Variants in RBFOX1 observed in about 807,000 individuals in gnomAD.
RBFOX1 encodes the protein RNA binding fox-1 homolog 1.
A neutral mutation model predicts 57.7 loss-of-function variants in RBFOX1; 8 were observed. The ratio of observed to expected loss-of-function variants is 0.14; its 90% CI spans 0.08 to 0.25. The LOEUF (loss-of-function observed/expected upper bound fraction) is 0.25. Ranked by LOEUF, RBFOX1 falls within the 10% of genes least tolerant of loss-of-function variation. The pLI is 1.00. For synonymous variants in RBFOX1, 326 were observed against 222.4 expected (o/e 1.47, Z -4.15); for missense variants, 611 against 548.5 (o/e 1.11, Z -1.14).
intron 4 of RBFOX1, among the ~76,000 whole-genome samples, chr16:6,007,861 G>A (rs964676908): frequency 2.0e-5 from 3 of 152,132 alleles, no homozygotes; most frequent in African/African-American, 7.2e-5. Flanking sequence ...GATGACATCT[G>A]TAGGAAGTGA....
At chr16:6,377,923 C>T (rs2091377933) in intron 2 of RBFOX1, among the ~76,000 whole-genome samples, 1 of 152,154 alleles carries the variant, frequency 6.6e-6, no homozygotes, top group Admixed American at 6.5e-5. Context: ...AGAGGTGCTT[C>T]TCAAAGATGA....
chr16:7,214,682 C>G (rs1291482416), intron 4 of RBFOX1, among the ~76,000 whole-genome samples: 1 of 152,020 alleles, frequency 6.6e-6, no homozygotes, highest in Admixed American at 6.6e-5. Context: ...CACATAAAAT[C>G]CAGAACCCTT....
intron 3 of RBFOX1, among the ~76,000 whole-genome samples, chr16:6,892,897 C>G (rs1005252029): frequency 6.6e-6 from 1 of 151,800 alleles, no homozygotes; most frequent in Admixed American, 6.6e-5. Flanking sequence ...TCTCACCACT[C>G]ACTCTCAGTC....
intron 3 of RBFOX1, among the ~76,000 whole-genome samples, chr16:5,681,343 C>T (rs2050328497): frequency 6.6e-6 from 1 of 151,264 alleles, no homozygotes; most frequent in African/African-American, 2.4e-5. Flanking sequence ...CTCGGCCTCC[C>T]AAAGTGTTGG....
chr16:6,331,177 C>A (rs2082976486), intron 2 of RBFOX1, among the ~76,000 whole-genome samples: 1 of 152,034 alleles, frequency 6.6e-6, no homozygotes, highest in African/African-American at 2.4e-5. Context: ...GGGGCCGGGC[C>A]CAGTGGTTCA....
chr16:6,894,736 G>T (rs1158460904), intron 3 of RBFOX1, among the ~76,000 whole-genome samples: 1 of 152,182 alleles, frequency 6.6e-6, no homozygotes, highest in African/African-American at 2.4e-5. Context: ...GTTACCAACA[G>T]ATTGTATCAG....
intron 4 of RBFOX1, among the ~76,000 whole-genome samples, chr16:7,311,946 G>T (rs896096673): frequency 6.6e-6 from 1 of 152,022 alleles, no homozygotes; most frequent in Non-Finnish European, 1.5e-5. Context: ...GTTTATTTGG[G>T]GACTTAATTG....
chr16:5,789,413 A>C lies in RBFOX1; in HGVS notation c.319-77890A>C, dbSNP rs533494287. On this transcript the variant is annotated intron_variant, in intron 3 of 19. Transcript: ENST00000641259. ...CACTTTGGGAGGTCTACAAGCCCGC[A>C]TATTTGTGTATATTTATATGAGTGT... 1.6e-4 allele frequency among the ~76,000 whole-genome samples: 24 copies of C among 152,144 alleles called. No homozygotes were observed. In the South Asian group the frequency reaches 5.0e-3, roughly 32 times the overall value.
intron 4 of RBFOX1, among the ~76,000 whole-genome samples, chr16:7,195,051 C>A (rs34286538): frequency 0.41 from 61,652 of 151,530 alleles, 12,975 homozygotes; most frequent in Non-Finnish European, 0.47. Context: ...ATTCTAGCAA[C>A]AAAACTTTAA....
At chr16:6,602,939 G>A (rs1022637125) in intron 2 of RBFOX1, among the ~76,000 whole-genome samples, 2 of 152,140 alleles carry the variant, frequency 1.3e-5, no homozygotes, top group African/African-American at 4.8e-5. Flanking sequence ...GCTGGAGATT[G>A]GGAATCCTGA....
At chr16:6,122,642 C>T (rs928818326) in intron 1 of RBFOX1, among the ~76,000 whole-genome samples, 5 of 152,006 alleles carry the variant, frequency 3.3e-5, no homozygotes, top group African/African-American at 1.2e-4. Context: ...AGTGGGTGGC[C>T]AATGTGCTGA....
chr16:7,076,108 C>G (rs576819431), intron 4 of RBFOX1, among the ~76,000 whole-genome samples: 37 of 150,246 alleles, frequency 2.5e-4, no homozygotes, highest in African/African-American at 8.6e-4. Context: ...ATGGCGCGAT[C>G]TCGGCTCACT....
At chr16:5,438,453 T>G (rs537656441) in intron 1 of RBFOX1, among the ~76,000 whole-genome samples, 2 of 152,208 alleles carry the variant, frequency 1.3e-5, no homozygotes, top group African/African-American at 4.8e-5. Context: ...ACACTTCAAG[T>G]GCTGTCTTGA....
intron 3 of RBFOX1, among the ~76,000 whole-genome samples, chr16:5,811,143 A>ATTTTTTTTTTTTTTTTTTTTTTTTT (rs374827330): frequency 9.6e-6 from 1 of 104,558 alleles, no homozygotes; most frequent in Non-Finnish European, 1.8e-5. Context: ...TATGGAACAA[A>ATTTTTTTTTTTTTTTTTTTTTTTTT]TTTTTTTTTT....
chr16:7,316,729 G>A (rs1330006860), intron 4 of RBFOX1, among the ~76,000 whole-genome samples: 1 of 152,078 alleles, frequency 6.6e-6, no homozygotes, highest in African/African-American at 2.4e-5. Context: ...AGCTGAGATG[G>A]AGTGGGAGGT....
At chr16:7,048,357 T>G (rs2048776300) in intron 3 of RBFOX1, among the ~76,000 whole-genome samples, 1 of 152,132 alleles carries the variant, frequency 6.6e-6, no homozygotes, top group African/African-American at 2.4e-5. Flanking sequence ...CCTCCCAGGT[T>G]CAAGCAATTT....
chr16:6,201,553 A>C (rs954347892), intron 1 of RBFOX1, among the ~76,000 whole-genome samples: 6 of 152,244 alleles, frequency 3.9e-5, no homozygotes, highest in African/African-American at 1.4e-4. Context: ...GGGGATGGTT[A>C]ATGGGTGTAA....
intron 1 of RBFOX1, among the ~76,000 whole-genome samples, chr16:6,260,701 A>G (rs1332642101): frequency 1.3e-5 from 2 of 152,072 alleles, no homozygotes; most frequent in Non-Finnish European, 2.9e-5. Flanking sequence ...AACATGGTGA[A>G]ACCCCATCTG....
At chr16:7,182,412 G>C (rs140927335) in intron 4 of RBFOX1, among the ~76,000 whole-genome samples, 1 of 152,118 alleles carries the variant, frequency 6.6e-6, no homozygotes, top group African/African-American at 2.4e-5. Context: ...TGATGAATTC[G>C]TTCATGTTCT....
Sources: gnomAD v4.1 joint callset for allele counts (sites outside exome capture counted in the v4.1 genomes callset) on GRCh38, gnomAD v4.1.1 for gene constraint, MANE v1.5 for transcripts, NCBI Gene and HGNC (gene_info 2026-07-23, HGNC 2026-07-21) for gene names.